The following NRXN1 variants were observed in gnomAD, a reference collection of about 807,000 sequenced individuals.
NRXN1 encodes neurexin 1.
Under a neutral mutation model 150.9 loss-of-function variants are expected in NRXN1, and 39 were observed. The observed-to-expected ratio is 0.26, with a 90% CI of 0.20 to 0.34. The LOEUF is 0.34. NRXN1 is among the 10% of genes least tolerant of loss of function. The probability of loss-of-function intolerance (pLI) is 1.00; values close to 1 mark genes in which losing one functional copy is unlikely to be tolerated. For missense variants in NRXN1, 1,815 were observed against 1,949.9 expected, an observed-to-expected ratio of 0.93 and a Z score of 1.30; for synonymous variants, 924 against 757.0, an observed-to-expected ratio of 1.22 and a Z score of -3.62.
At chr2:50,468,776 A>G (rs747819365) in intron 16 of NRXN1, among the ~76,000 whole-genome samples, 1 of 151,394 alleles carries the variant, frequency 6.6e-6, no homozygotes, top group Non-Finnish European at 1.5e-5. Context: ...GGTTCAATTT[A>G]CTCATTAAAA....
intron 5 of NRXN1, among the ~76,000 whole-genome samples, chr2:50,853,065 C>A (rs1308572151): frequency 6.6e-6 from 1 of 152,104 alleles, no homozygotes; most frequent in Non-Finnish European, 1.5e-5. Flanking sequence ...CTATTGAAGA[C>A]CACATATACC....
intron 17 of NRXN1, 60 bp from the exon 18 acceptor site, chr2:50,237,030 G>C: frequency 6.6e-7 from 1 of 1,504,822 alleles, no homozygotes; most frequent in Non-Finnish European, 9.2e-7. Flanking sequence ...CATTAGCAAG[G>C]CATGTTATAT....
At chr2:50,788,716 T>C (rs1705504450) in intron 5 of NRXN1, among the ~76,000 whole-genome samples, 1 of 152,088 alleles carries the variant, frequency 6.6e-6, no homozygotes. Flanking sequence ...ATACCAGTGA[T>C]GGCAAGCTTA....
At chr2:50,067,966 T>G (rs1051291470) in intron 19 of NRXN1, among the ~76,000 whole-genome samples, 1 of 152,234 alleles carries the variant, frequency 6.6e-6, no homozygotes. Context: ...AGTCTTGACT[T>G]TTAATCTAGT....
intron 17 of NRXN1, among the ~76,000 whole-genome samples, chr2:50,407,669 A>G (rs562056547): frequency 2.2e-4 from 33 of 152,036 alleles, no homozygotes; most frequent in Middle Eastern, 3.4e-3. Context: ...AGGAAGAGAG[A>G]CCTGAGCTAG....
chr2:50,396,572 G>A, intron 17 of NRXN1, among the ~76,000 whole-genome samples: 1 of 152,066 alleles, frequency 6.6e-6, no homozygotes, highest in East Asian at 1.9e-4. Context: ...AGGAATTGTG[G>A]TCAAAAAACG....
chr2:50,528,131 A>T (rs1188063136), intron 12 of NRXN1, among the ~76,000 whole-genome samples: 1 of 152,188 alleles, frequency 6.6e-6, no homozygotes, highest in East Asian at 1.9e-4. Context: ...AATTCATCAT[A>T]TAAACATTCT....
At chr2:50,959,843 C>A (rs1191766462) in intron 2 of NRXN1, among the ~76,000 whole-genome samples, 2 of 151,974 alleles carry the variant, frequency 1.3e-5, no homozygotes, top group African/African-American at 2.4e-5. Flanking sequence ...AATAACATTT[C>A]TTGATAGCTC....
chr2:50,703,117 A>G (rs1347196474), intron 5 of NRXN1, among the ~76,000 whole-genome samples: 1 of 152,124 alleles, frequency 6.6e-6, no homozygotes, highest in Non-Finnish European at 1.5e-5. Context: ...ATTTAATTGT[A>G]AATAAGGTAG....
At chr2:50,881,596 C>T (rs1027850567) in intron 5 of NRXN1, among the ~76,000 whole-genome samples, 3 of 151,826 alleles carry the variant, frequency 2.0e-5, no homozygotes, top group Non-Finnish European at 4.4e-5. Flanking sequence ...TTCCTACCCA[C>T]AAGGACTTCT....
At chr2:50,300,016 T>C (rs1314901730) in intron 17 of NRXN1, among the ~76,000 whole-genome samples, 1 of 152,148 alleles carries the variant, frequency 6.6e-6, no homozygotes, top group Non-Finnish European at 1.5e-5. Context: ...TTATTTATCA[T>C]CTAATCCTGA....
At chr2:50,779,255 A>ATGAG (rs35518181) in intron 5 of NRXN1, among the ~76,000 whole-genome samples, 80,107 of 151,562 alleles carry the variant, frequency 0.53, 21,506 homozygotes, top group East Asian at 0.68. Context: ...ACTCCCACTT[A>ATGAG]TGAGAACATG....
intron 17 of NRXN1, among the ~76,000 whole-genome samples, chr2:50,362,682 G>T (rs2079305362): frequency 6.6e-6 from 1 of 151,982 alleles, no homozygotes; most frequent in South Asian, 2.1e-4. Flanking sequence ...AGTAATTTAT[G>T]CATTTAATGT....
chr2:50,818,767 AT>A (rs1242746795), intron 5 of NRXN1, among the ~76,000 whole-genome samples: 1 of 152,152 alleles, frequency 6.6e-6, no homozygotes, highest in East Asian at 1.9e-4. Flanking sequence ...CAAACCATAT[AT>A]CTTATAAGAA....
intron 18 of NRXN1, among the ~76,000 whole-genome samples, chr2:50,143,740 T>C (rs1707603571): frequency 6.6e-6 from 1 of 151,352 alleles, no homozygotes; most frequent in Non-Finnish European, 1.5e-5. Flanking sequence ...TGCCTCCCAC[T>C]TCTTCTAGAT....
chr2:50,666,238 G>T (rs1039927585), intron 5 of NRXN1, among the ~76,000 whole-genome samples: 15 of 151,894 alleles, frequency 9.9e-5, no homozygotes, highest in Non-Finnish European at 1.5e-4. Flanking sequence ...TTGTTCATTC[G>T]CTCTCATTGC....
At chr2:49,986,221 T>A (rs1680883470) in intron 21 of NRXN1, among the ~76,000 whole-genome samples, 2 of 152,220 alleles carry the variant, frequency 1.3e-5, no homozygotes, top group Admixed American at 6.5e-5. Context: ...TTCTCAATTT[T>A]GGTCTTAGAT....
At chr2:50,403,548 C>G (rs1163976756) in intron 17 of NRXN1, among the ~76,000 whole-genome samples, 1 of 151,964 alleles carries the variant, frequency 6.6e-6, no homozygotes, top group Admixed American at 6.6e-5. Flanking sequence ...TTGACTTGAC[C>G]TTATTTTAAA....
At chr2:50,971,756 T>C (rs1695039531) in intron 2 of NRXN1, among the ~76,000 whole-genome samples, 1 of 152,108 alleles carries the variant, frequency 6.6e-6, no homozygotes, top group African/African-American at 2.4e-5. Flanking sequence ...AAACACTCTG[T>C]AAACATTACA....
Sources: allele counts gnomAD v4.1 joint callset (sites outside exome capture counted in the v4.1 genomes callset), GRCh38; gene constraint gnomAD v4.1.1; transcripts MANE v1.5; gene names NCBI Gene and HGNC (gene_info 2026-07-23, HGNC 2026-07-21).